The following SEC31A variants were observed in gnomAD, a reference collection of about 807,000 sequenced individuals.
The protein encoded by SEC31A is protein transport protein Sec31A.
SEC31A carries 70 observed loss-of-function variants against 151.0 expected under a neutral mutation model. The ratio of observed to expected loss-of-function variants is 0.46; its 90% confidence interval spans 0.38 to 0.57. The LOEUF (loss-of-function observed/expected upper bound fraction) is 0.57. SEC31A is among the 20% of genes least tolerant of loss of function. The pLI, the probability that SEC31A is intolerant of heterozygous loss-of-function variation, is 0.00. For missense variants in SEC31A, 1,330 were observed against 1,471.2 expected, an observed-to-expected ratio of 0.90 and a Z score of 1.57; for synonymous variants, 475 against 505.9, an observed-to-expected ratio of 0.94 and a Z score of 0.82.
chr4:82,831,714 T>G (rs1726001987), intron 22 of SEC31A, among the ~76,000 whole-genome samples: 2 of 152,184 alleles, frequency 1.3e-5, no homozygotes, highest in Admixed American at 1.3e-4. Flanking sequence ...GGTCATACTG[T>G]GCATATAAAT....
intron 24 of SEC31A, among the ~76,000 whole-genome samples, chr4:82,825,589 G>A (rs1407215526): frequency 6.6e-6 from 1 of 152,204 alleles, no homozygotes; most frequent in African/African-American, 2.4e-5. Flanking sequence ...GAGCTAAAAG[G>A]CCAGTATAGC....
At chr4:82,893,354 C>CCT (rs1719928306), upstream of SEC31A, 4 of 152,358 alleles carry the variant, frequency 2.6e-5, no homozygotes, top group Non-Finnish European at 4.4e-5. Context: ...TAGGCATGAG[C>CCT]CTCCATGCCC....
chr4:82,887,188 A>T (rs560821954), intron 1 of SEC31A, among the ~76,000 whole-genome samples: 10 of 152,272 alleles, frequency 6.6e-5, no homozygotes, highest in South Asian at 6.2e-4. Context: ...CTGTATTATT[A>T]AAAAAATGGA....
Position 82,867,316 on chromosome 4 carries a change from C to G in SEC31A, c.883G>C (p.Val295Leu). The G allele has an allele frequency of 6.2e-7, 1 of 1,611,340 alleles. No individual in the cohort carries two copies. The highest frequency in any genetic ancestry group is 8.5e-7 in the Non-Finnish European group (1 of 1,178,890). The change falls in exon 9 of 27, where the codon GTG becomes CTG. Residue 295 changes from valine (V) to leucine (L), a missense_variant and splice_region_variant. By Grantham distance (32) the Val-to-Leu change is conservative. Coordinates refer to ENST00000395310, the MANE Select transcript of SEC31A (RefSeq NM_001077207.4). ...ILCSNPNTGE[V>L]LYELPTNTQW... ...GTGTTGGTGGGAAGTTCATATAACACCTAGGCCAACAAAAAACAAACAACA... is the reference window on the plus strand; with the variant it reads ...GTGTTGGTGGGAAGTTCATATAACAGCTAGGCCAACAAAAAACAAACAACA...
intron 2 of SEC31A, 83 bp downstream of exon 2, chr4:82,881,775 A>C (rs1479279886): frequency 1.9e-6 from 2 of 1,032,012 alleles, no homozygotes; most frequent in East Asian, 4.8e-5. Flanking sequence ...CTTTCTAGAG[A>C]AGATAAAGCT....
At position 82,880,882 on chromosome 4, in the gene SEC31A, A is replaced by G. The variant is rs371269991; in HGVS notation, c.120T>C (p.Asn40=). 1.2e-6 allele frequency: 2 copies of G among 1,611,718 alleles called. No homozygotes were observed. Among genetic ancestry groups the G allele is most frequent in the African/African-American group, 2.7e-5 (2 of 74,904 alleles). ...CTAATTCAAATATCTCAAGGGAAGC[A>G]TTCGTACTAAATGTTGCATCCAATT... ...AQQLDATFST[N]ASLEIFELDL... is the part of the protein sequence containing the mutation. The change falls in exon 3 of 27, where the codon AAT becomes AAC. Residue 40 remains asparagine (N), a synonymous_variant. Transcript: ENST00000395310.
rs149749413 is a variant in SEC31A, at chr4:82,823,923, C to T, written c.3411+632G>A. ...GTGGTTGAGAGCATGAATTCTGGAG[C>T]CAGACAGTCTGGGTTTGAATGCTGG... On this transcript the variant is annotated intron_variant, in intron 25 of 26. Transcript: ENST00000395310. Among the ~76,000 whole-genome samples, 3 of 152,280 alleles carry T rather than the reference C, an allele frequency of 2.0e-5. No homozygotes were observed. The East Asian group carries it at 5.8e-4, about 29-fold the overall frequency.
chr4:82,866,962 T>C lies in SEC31A; in HGVS notation c.1045-2A>G. 1 of 1,604,592 alleles carries C rather than the reference T, an allele frequency of 6.2e-7. No homozygotes were observed. The highest frequency in any genetic ancestry group is 8.5e-7 in the Non-Finnish European group (1 of 1,177,568). ...AAGATTCCCAAAAGATGATGAAAGC[T>C]AAAAAAGATAATAATAACATAAGCA... is the stretch of plus-strand genomic sequence containing the variant. On this transcript the variant is annotated splice_acceptor_variant, in intron 9 of 26. Coordinates refer to ENST00000395310, the MANE Select transcript of SEC31A (RefSeq NM_001077207.4). LOFTEE classifies it high-confidence loss of function.
At position 82,856,982 on chromosome 4, in the gene SEC31A, G is replaced by C; in HGVS notation, c.1851C>G (p.Tyr617Ter). 6.2e-7 allele frequency: 1 copy of C among 1,609,556 alleles called. No individual in the cohort carries two copies. The change falls in exon 16 of 27, where the codon TAC becomes TAG. Residue 617 changes from tyrosine (Y) to a stop codon, truncating the protein, a stop_gained. Transcript: ENST00000395310. LOFTEE classifies it high-confidence loss of function. ...TAATTTTGCTTTGGGATTTTGCGAA[G>C]TATTTTTTCTGGGTTCGAGCCAAGA... is the stretch of plus-strand genomic sequence containing the variant. Reference protein sequence around the residue: ...QELLARTQKKYFAKSQSKITR... With the variant: ...QELLARTQKK
At chr4:82,851,372 A>G in intron 19 of SEC31A, 59 bp downstream of exon 19, 2 of 1,340,874 alleles carry the variant, frequency 1.5e-6, no homozygotes, top group South Asian at 1.3e-5. Context: ...TCTAATGCTA[A>G]GTGTTATCTA....
intron 20 of SEC31A, 28 bp downstream of exon 20, chr4:82,848,776 C>G (rs757547019): frequency 1.3e-5 from 21 of 1,568,318 alleles, no homozygotes; most frequent in Middle Eastern, 1.7e-4. Flanking sequence ...CAAAAGTGTT[C>G]CTACTTCATC....
chr4:82,879,166 G>A (rs1738682645), intron 3 of SEC31A, among the ~76,000 whole-genome samples: 1 of 152,110 alleles, frequency 6.6e-6, no homozygotes, highest in Admixed American at 6.6e-5. Flanking sequence ...GTAAGGTAGT[G>A]TAACAAAATA....
chr4:82,836,231 A>C (rs972019236), intron 22 of SEC31A, among the ~76,000 whole-genome samples: 1 of 151,510 alleles, frequency 6.6e-6, no homozygotes, highest in African/African-American at 2.4e-5. Context: ...AAATTAGCTG[A>C]GCGTGGTGGC....
At position 82,828,277 on chromosome 4, in the gene SEC31A, C is replaced by T. The variant is rs191234119; in HGVS notation, c.3028-645G>A. ...ATCAGAGGTGCCAAGTATGCATGGGCGTGTATGTGCACATGTGTTTAATAT... is the reference window on the plus strand; with the variant it reads ...ATCAGAGGTGCCAAGTATGCATGGGTGTGTATGTGCACATGTGTTTAATAT... On this transcript the variant is annotated intron_variant, in intron 23 of 26. Transcript: ENST00000395310. 2.6e-5 allele frequency among the ~76,000 whole-genome samples: 4 copies of T among 152,178 alleles called. No individual in the cohort carries two copies. The East Asian group carries it at 7.7e-4, about 29-fold the overall frequency.
At chr4:82,846,365 A>AAAT (rs1730177152) in intron 20 of SEC31A, among the ~76,000 whole-genome samples, 2 of 27,358 alleles carry the variant, frequency 7.3e-5, no homozygotes, top group African/African-American at 2.5e-4. Flanking sequence ...AAACTCCAAA[A>AAAT]CATAATAATA....
intron 25 of SEC31A, chr4:82,821,560 A>AAAAAG (rs1451030237): frequency 6.6e-6 from 1 of 152,226 alleles, no homozygotes; most frequent in African/African-American, 2.4e-5. Context: ...AAAAAAAAAA[A>AAAAAG]AAAAAAAAAA....
chr4:82,857,908 C>A, intron 14 of SEC31A, 144 bp from the exon 15 acceptor site: 1 of 552,540 alleles, frequency 1.8e-6, no homozygotes. Flanking sequence ...TCCAAATTTA[C>A]AACTAAGATC....
At chr4:82,820,127 T>A (rs1479487940) in intron 26 of SEC31A, among the ~76,000 whole-genome samples, 1 of 130,916 alleles carries the variant, frequency 7.6e-6, no homozygotes, top group Non-Finnish European at 1.6e-5. Flanking sequence ...GCTAATTGTA[T>A]CTTCTGTTTT....
intron 23 of SEC31A, among the ~76,000 whole-genome samples, chr4:82,828,328 C>T (rs1725095112): frequency 6.6e-6 from 1 of 152,150 alleles, no homozygotes; most frequent in Non-Finnish European, 1.5e-5. Context: ...CCTAAGTAGA[C>T]ATTATTTGGC....
Sources: gnomAD v4.1 joint callset for allele counts (sites outside exome capture counted in the v4.1 genomes callset) on GRCh38, gnomAD v4.1.1 for gene constraint, MANE v1.5 for transcripts, NCBI Gene and HGNC (gene_info 2026-07-23, HGNC 2026-07-21) for gene names.